The following GPSM1 variants were observed in gnomAD, a reference collection of about 807,000 sequenced individuals.
GPSM1 encodes G protein signaling modulator 1.
In GPSM1, 48 loss-of-function variants were observed where a neutral mutation model predicts 70.5. The ratio of observed to expected loss-of-function variants is 0.68; its 90% CI spans 0.54 to 0.87. The LOEUF (loss-of-function observed/expected upper bound fraction) is 0.87, where lower values mean the gene tolerates loss of function less well. Ranked by LOEUF, GPSM1 falls within the 40% of genes least tolerant of loss-of-function variation. GPSM1 has a pLI of 0.00. For synonymous variants in GPSM1, 416 were observed against 430.1 expected (o/e 0.97, Z 0.41); for missense variants, 981 against 972.6 (o/e 1.01, Z -0.11).
intron 1 of GPSM1, 114 bp from the exon 2 acceptor site, chr9:136,334,333 T>C (rs1832174270): frequency 2.9e-6 from 2 of 694,888 alleles, no homozygotes; most frequent in African/African-American, 3.5e-5. Flanking sequence ...AGCACAGATG[T>C]GGTGTGTGCC....
At chr9:136,353,949 C>T (rs1832741677) in intron 11 of GPSM1, among the ~76,000 whole-genome samples, 1 of 152,202 alleles carries the variant, frequency 6.6e-6, no homozygotes, top group Non-Finnish European at 1.5e-5. Flanking sequence ...ATGTGGCCCT[C>T]CCCACAGACT....
intron 11 of GPSM1, among the ~76,000 whole-genome samples, chr9:136,350,530 C>T (rs1032085446): frequency 1.3e-5 from 2 of 152,134 alleles, no homozygotes; most frequent in East Asian, 1.9e-4. Flanking sequence ...GTGCAGGGGC[C>T]GGGGCAGGAC....
rs542802304 is a variant in GPSM1, at chr9:136,340,862, C to A, written c.1084-8C>A. 11 of 1,564,016 alleles carry A rather than the reference C, an allele frequency of 7.0e-6. No homozygotes were observed. The highest frequency in any genetic ancestry group is 1.2e-5 in the South Asian group (1 of 85,234). On this transcript the variant is annotated splice_polypyrimidine_tract_variant and splice_region_variant and intron_variant, in intron 8 of 13. Transcript: ENST00000440944. This position sits in a 1 kb window ranked among gnomAD's most constrained non-coding sequence, Gnocchi z 7.3. ...CACCTGCCCGCTCCGCCACCCCACT[C>A]GCCGCAGATCGGGGACCGCCATGGG...
chr9:136,341,084 A>G lies in GPSM1; in HGVS notation c.1207+91A>G. 1.3e-6 allele frequency: 2 copies of G among 1,550,308 alleles called. No individual in the cohort carries two copies. Among genetic ancestry groups the G allele is most frequent in the Non-Finnish European group, 1.7e-6 (2 of 1,147,020 alleles). ...GGGGTGGGATCGAGGCCAGGCCAGCATGGCGGAGGTGGCAGCCGCCAGAAA... is the reference window on the plus strand; with the variant it reads ...GGGGTGGGATCGAGGCCAGGCCAGCGTGGCGGAGGTGGCAGCCGCCAGAAA... On this transcript the variant is annotated intron_variant, in intron 9 of 13. Coordinates refer to ENST00000440944, the MANE Select transcript of GPSM1 (RefSeq NM_001145638.3). This position sits in a 1 kb window ranked among gnomAD's most constrained non-coding sequence, Gnocchi z 6.7.
chr9:136,357,923 G>A, intron 13 of GPSM1, 91 bp from the exon 14 acceptor site: 2 of 994,178 alleles, frequency 2.0e-6, no homozygotes, highest in South Asian at 1.3e-5. Flanking sequence ...CGTGAACAGT[G>A]CACGCTGGCC....
intron 4 of GPSM1, 126 bp from the exon 5 acceptor site, chr9:136,337,315 C>A (rs1832265984): frequency 4.9e-6 from 7 of 1,422,092 alleles, no homozygotes; most frequent in Non-Finnish European, 6.6e-6. Context: ...TGGAGCCTAC[C>A]CTAGCCACCC....
chr9:136,347,612 TC>T (rs1425765952), intron 9 of GPSM1, among the ~76,000 whole-genome samples: 1 of 152,160 alleles, frequency 6.6e-6, no homozygotes, highest in African/African-American at 2.4e-5. Flanking sequence ...CCCCTGTCCG[TC>T]CCGCCGCCTC....
rs1554769171 is a variant in GPSM1 at position 136,336,041 on chromosome 9, C to T, written c.366C>T (p.Phe122=). The change falls in exon 3 of 14, where the codon TTC becomes TTT. Residue 122 remains phenylalanine (F), a synonymous_variant. Transcript: ENST00000440944. The stretch of plus-strand genomic sequence containing the variant: ...ACACACTCAAGGTCCTGGGGCGCTT[C>T]GACGAGGCTGCCGTCTGCTGCCAGC... ...LGNTLKVLGR[F]DEAAVCCQRH... 2.5e-6 allele frequency: 4 copies of T among 1,612,406 alleles called. No homozygotes were observed. Among genetic ancestry groups the T allele is most frequent in the African/African-American group, 1.3e-5 (1 of 75,062 alleles).
rs146720287 is a variant in GPSM1 at position 136,340,231 on chromosome 9, C to T, written c.1083+416C>T. 5.4e-4 allele frequency among the ~76,000 whole-genome samples: 82 copies of T among 152,290 alleles called. 1 individual carries two copies. Among genetic ancestry groups the T allele is most frequent in the African/African-American group, 1.9e-3 (79 of 41,576 alleles). ...TTCATGCTAAAGACGGTGCCAGCCC[C>T]TACTGACCACCATAGACCCATGTAG... On this transcript the variant is annotated intron_variant, in intron 8 of 13. Coordinates refer to ENST00000440944, the MANE Select transcript of GPSM1 (RefSeq NM_001145638.3). The surrounding 1 kb of genome is among the most constrained non-coding windows in gnomAD (Gnocchi z 7.3).
intron 2 of GPSM1, 28 bp downstream of exon 2, chr9:136,334,696 T>G (rs781808936): frequency 1.3e-6 from 2 of 1,572,906 alleles, no homozygotes; most frequent in Admixed American, 1.7e-5. Flanking sequence ...TGCTGGCGGG[T>G]GAGTGGGGCG....
chr9:136,352,168 A>G (rs55765446), intron 11 of GPSM1, among the ~76,000 whole-genome samples: 3,985 of 107,622 alleles, frequency 0.037, 734 homozygotes, highest in East Asian at 0.065. Flanking sequence ...TGGTGACACC[A>G]ATGCTGCGCC....
In GPSM1 at chr9:136,358,309, G is replaced by A. The variant is rs567350086; in HGVS notation, c.*89G>A. On this transcript the variant is annotated 3_prime_UTR_variant, in exon 14 of 14. Coordinates refer to ENST00000440944, the MANE Select transcript of GPSM1 (RefSeq NM_001145638.3). ...GCCACGTCCTCCCGAGGCCATTGCCGAGGACAGGCACTGGGCATGCAGCCC... is the reference window on the plus strand; with the variant it reads ...GCCACGTCCTCCCGAGGCCATTGCCAAGGACAGGCACTGGGCATGCAGCCC... 2.4e-4 allele frequency: 284 copies of A among 1,207,532 alleles called. No individual in the cohort carries two copies. Among genetic ancestry groups the A allele is most frequent in the East Asian group, 3.1e-4 (12 of 39,034 alleles). 74.8% of individuals were successfully genotyped at this position (1,207,532 alleles called of 1,614,324 possible).
At chr9:136,332,554 G>A (rs952488916) in intron 1 of GPSM1, among the ~76,000 whole-genome samples, 5 of 152,206 alleles carry the variant, frequency 3.3e-5, no homozygotes, top group African/African-American at 7.2e-5. Flanking sequence ...GCAGTAAACC[G>A]AGTGAGACCA....
intron 9 of GPSM1, among the ~76,000 whole-genome samples, chr9:136,346,048 G>A (rs1052193219): frequency 2.0e-5 from 3 of 152,358 alleles, no homozygotes; most frequent in East Asian, 1.9e-4. Context: ...TGCCCCGGGC[G>A]TTTGTGTTGG....
rs561144551 is a variant in GPSM1 at position 136,336,995 on chromosome 9, C to T, written c.501C>T (p.Ala167=). 4.2e-5 allele frequency: 66 copies of T among 1,554,098 alleles called. No individual in the cohort carries two copies. Among genetic ancestry groups the T allele is most frequent in the South Asian group, 2.8e-4 (24 of 84,230 alleles). The change falls in exon 4 of 14, where the codon GCC becomes GCT. Residue 167 remains alanine (A), a synonymous_variant. Transcript: ENST00000440944. ...AAGGCAAGCAACTGTCCTGGAACGC[C>T]GCAAACGCCACGCAGGACCCCGGGC... ...HAKGKQLSWN[A]ANATQDPGHL... is the part of the protein sequence containing the mutation.
chr9:136,338,656 G>A lies in GPSM1; in HGVS notation c.920G>A (p.Arg307His), dbSNP rs140120230. The A allele has an allele frequency of 6.0e-4, 951 of 1,587,882 alleles. 8 individuals carry two copies. In the East Asian group the frequency reaches 0.018, roughly 31 times the overall value. The change falls in exon 7 of 14, where the codon CGC becomes CAC. Residue 307 changes from arginine (R) to histidine (H), a missense_variant. Arg to His is a conservative substitution (Grantham distance 29, BLOSUM62 0). Transcript: ENST00000440944. ...NTYTLLQDYE[R>H]AAEYHLRHLL... ...TACACGCTGCTGCAGGACTACGAGCGCGCGGCCGAGTACCACCTGCGGCAC... is the reference window on the plus strand; with the variant it reads ...TACACGCTGCTGCAGGACTACGAGCACGCGGCCGAGTACCACCTGCGGCAC...
chr9:136,327,799 T>TGGGACC, intron 1 of GPSM1, 36 bp downstream of exon 1: 1 of 913,766 alleles, frequency 1.1e-6, no homozygotes, highest in Non-Finnish European at 1.4e-6. Context: ...GGGCCGGGGC[T>TGGGACC]GGGACCGGAC....
Position 136,338,692 on chromosome 9 carries a change from C to A in GPSM1, c.956C>A (p.Ala319Asp). The A allele has an allele frequency of 6.4e-7, 1 of 1,560,864 alleles. No individual in the cohort carries two copies. ...TACCACCTGCGGCACCTGCTCATTG[C>A]CCAGGAGCTGGCCGACAGGTGCGTG... ...AEYHLRHLLI[A>D]QELADRVGEG... Residue 319 changes from alanine (A) to aspartate (D), a missense_variant, in exon 7 of 14, where the codon GCC becomes GAC. Physicochemically the swap from Ala to Asp is moderately radical, Grantham distance 126. Coordinates refer to ENST00000440944, the MANE Select transcript of GPSM1 (RefSeq NM_001145638.3).
Position 136,339,869 on chromosome 9 carries a change from G to A in GPSM1, c.1083+54G>A, listed in dbSNP as rs115335934. On this transcript the variant is annotated intron_variant, in intron 8 of 13. Transcript: ENST00000440944. Reference sequence around the variant, plus strand: ...GGGCACTGCCCAGCCCACTCCAGACGGGCCGGGTCCCCTCTGCCCCGAGCG... The same window carrying A: ...GGGCACTGCCCAGCCCACTCCAGACAGGCCGGGTCCCCTCTGCCCCGAGCG... The A allele has an allele frequency of 4.9e-3, 5,582 of 1,127,860 alleles. 119 individuals are homozygous for A. The African/African-American group carries it at 0.068, about 14-fold the overall frequency. 69.9% of individuals were successfully genotyped at this position (1,127,860 alleles called of 1,614,324 possible). A position where few individuals can be genotyped will look rare whatever the true frequency, so the allele number is the denominator to read the frequency against.
Sources: gnomAD v4.1 joint callset for allele counts (sites outside exome capture counted in the v4.1 genomes callset) on GRCh38, gnomAD v4.1.1 for gene constraint, Gnocchi (gnomAD v3.1) non-coding constraint, MANE v1.5 for transcripts, NCBI Gene and HGNC (gene_info 2026-07-23, HGNC 2026-07-21) for gene names.